APBB2: variants seen among roughly 807,000 people sequenced by gnomAD.
APBB2 encodes the protein amyloid beta precursor protein binding family B member 2.
In APBB2, 38 loss-of-function variants were observed where a neutral mutation model predicts 82.5. The observed-to-expected ratio is 0.46, with a 90% CI of 0.36 to 0.60. The LOEUF is 0.60. APBB2 is among the 20% of genes least tolerant of loss of function. The pLI is 0.00. For missense variants in APBB2, 772 were observed against 972.3 expected, an observed-to-expected ratio of 0.79 and a Z score of 2.74; for synonymous variants, 341 against 368.2, an observed-to-expected ratio of 0.93 and a Z score of 0.85.
At chr4:40,867,806 A>G (rs111404550) in intron 12 of APBB2, among the ~76,000 whole-genome samples, 3,212 of 151,366 alleles carry the variant, frequency 0.021, 50 homozygotes, top group Middle Eastern at 0.045. Flanking sequence ...TATATTGATC[A>G]ATTATCAGGG....
chr4:41,083,686 C>CAAAAA lies in APBB2; in HGVS notation c.-149+16948_-149+16952dup, dbSNP rs3058169. Among the ~76,000 whole-genome samples the CAAAAA allele has an allele frequency of 1.9e-4, 13 of 68,066 alleles. 1 individual carries two copies. Among genetic ancestry groups the CAAAAA allele is most frequent in the African/African-American group, 4.0e-4 (7 of 17,480 alleles). 44.7% of individuals were successfully genotyped at this position (68,066 alleles called of 152,430 possible). A position where few individuals can be genotyped will look rare whatever the true frequency, so the allele number is the denominator to read the frequency against. ...CTGGAGACAGATTGAGACTCTGTCTCAAAAAAAAAAAAAAAAAAAAAAAAA... is the reference window on the plus strand; with the variant it reads ...CTGGAGACAGATTGAGACTCTGTCTCAAAAAAAAAAAAAAAAAAAAAAAAAAAAAA... On this transcript the variant is annotated intron_variant, in intron 3 of 17. Coordinates refer to ENST00000508593, the MANE Select transcript of APBB2 (RefSeq NM_004307.2).
chr4:41,085,112 G>A (rs149013281), intron 3 of APBB2, among the ~76,000 whole-genome samples: 3 of 152,002 alleles, frequency 2.0e-5, no homozygotes, highest in East Asian at 1.9e-4. Flanking sequence ...TTAGCTGGGC[G>A]TGGTGATGCG....
chr4:40,932,993 A>ACT (rs1784584516), intron 10 of APBB2, among the ~76,000 whole-genome samples: 1 of 152,196 alleles, frequency 6.6e-6, no homozygotes, highest in East Asian at 1.9e-4. Context: ...CCTGCTGAGT[A>ACT]GCTGGGATTA....
Position 40,824,139 on chromosome 4 carries a change from G to A in APBB2, c.1817-380C>T, listed in dbSNP as rs554999542. On this transcript the variant is annotated intron_variant, in intron 15 of 17. Transcript: ENST00000508593. ...TGCACTCCAGCCTGGGCAAGTATCAGTGAGACTCTGTCTCAAAAAACAAAA... is the reference window on the plus strand; with the variant it reads ...TGCACTCCAGCCTGGGCAAGTATCAATGAGACTCTGTCTCAAAAAACAAAA... Among the ~76,000 whole-genome samples, 3 of 152,256 alleles carry A rather than the reference G, an allele frequency of 2.0e-5. No individual in the cohort carries two copies. In the East Asian group the frequency reaches 5.8e-4, roughly 29 times the overall value.
intron 5 of APBB2, among the ~76,000 whole-genome samples, chr4:41,024,246 G>C (rs892200336): frequency 8.5e-5 from 13 of 152,188 alleles, no homozygotes; most frequent in African/African-American, 2.7e-4. Flanking sequence ...GACAGCCTAA[G>C]CAATACCATC....
At chr4:40,961,983 T>A (rs541851659) in intron 6 of APBB2, among the ~76,000 whole-genome samples, 1 of 152,330 alleles carries the variant, frequency 6.6e-6, no homozygotes, top group Non-Finnish European at 1.5e-5. Flanking sequence ...CAATTTTTGA[T>A]CTATGCCATT....
chr4:41,050,485 T>C (rs1208565323), intron 4 of APBB2, among the ~76,000 whole-genome samples: 1 of 152,200 alleles, frequency 6.6e-6, no homozygotes, highest in Non-Finnish European at 1.5e-5. Context: ...CAGAGGGTTT[T>C]AAGGGGTTGG....
Position 40,890,699 on chromosome 4 carries a change from G to A in APBB2, c.1402-208C>T, listed in dbSNP as rs932107218. 5 of 514,536 alleles carry A rather than the reference G, an allele frequency of 9.7e-6. No individual in the cohort carries two copies. In the East Asian group the frequency reaches 1.0e-4, roughly 11 times the overall value. The allele number at this position is 514,536 out of a possible 1,614,324, so 31.9% of individuals were successfully genotyped here. ...ACACCCAATTTCTCTCTCCCTCTCC[G>A]AGTCCTCTGAAATGTGTCCCCATCC... On this transcript the variant is annotated intron_variant, in intron 11 of 17. Transcript: ENST00000508593.
chr4:41,027,127 G>C (rs1714593456), intron 5 of APBB2, among the ~76,000 whole-genome samples: 1 of 151,954 alleles, frequency 6.6e-6, no homozygotes. Flanking sequence ...ATTTCAGACT[G>C]AGCTCCTATC....
At chr4:40,846,326 C>CA (rs3086182) in intron 12 of APBB2, among the ~76,000 whole-genome samples, 33,034 of 62,326 alleles carry the variant, frequency 0.53, 7,259 homozygotes, top group African/African-American at 0.54. Flanking sequence ...GAAAACACTC[C>CA]AAAAAAAAAA....
At chr4:40,914,884 T>C (rs1779468516) in intron 10 of APBB2, among the ~76,000 whole-genome samples, 1 of 152,294 alleles carries the variant, frequency 6.6e-6, no homozygotes, top group South Asian at 2.1e-4. Context: ...TGTAGTGAGT[T>C]GCAGGCACTA....
intron 3 of APBB2, among the ~76,000 whole-genome samples, chr4:41,079,132 A>C (rs1452891026): frequency 6.6e-6 from 1 of 152,222 alleles, no homozygotes; most frequent in African/African-American, 2.4e-5. Context: ...CAGCACGAAC[A>C]CTAATGTCCA....
rs773305996 is a variant in APBB2, at chr4:41,027,328, C to CATAAAAATAT, written c.19+5907_19+5908insATATTTTTAT. 3.1e-3 allele frequency among the ~76,000 whole-genome samples: 468 copies of CATAAAAATAT among 148,740 alleles called. 2 individuals are homozygous for CATAAAAATAT. Among genetic ancestry groups the CATAAAAATAT allele is most frequent in the Non-Finnish European group, 4.8e-3 (323 of 67,434 alleles). On this transcript the variant is annotated intron_variant, in intron 5 of 17. Transcript: ENST00000508593. The stretch of plus-strand genomic sequence containing the variant: ...GTACAGTAACTTTTTTGTACATACA[C>CATAAAAATAT]ACACACATTTTTATATTTTTATAAA...
At position 40,934,601 on chromosome 4, in the gene APBB2, A is replaced by C. The variant is rs896549971; in HGVS notation, c.1193+13T>G. On this transcript the variant is annotated intron_variant, in intron 9 of 17. Transcript: ENST00000508593. Reference sequence around the variant, plus strand: ...CATACATTGACAGCAGGTCGATCCTACTAATGTCCTACCTGAGTTTCAAAG... The same window carrying C: ...CATACATTGACAGCAGGTCGATCCTCCTAATGTCCTACCTGAGTTTCAAAG... The C allele has an allele frequency of 1.2e-6, 2 of 1,611,786 alleles. No individual in the cohort carries two copies. The highest frequency in any genetic ancestry group is 1.7e-6 in the Non-Finnish European group (2 of 1,177,864).
chr4:40,887,577 TA>T (rs969776899), intron 12 of APBB2, among the ~76,000 whole-genome samples: 12 of 151,912 alleles, frequency 7.9e-5, no homozygotes, highest in Non-Finnish European at 1.6e-4. Context: ...CAAAGGAAAG[TA>T]AAAAAAGCAG....
intron 3 of APBB2, among the ~76,000 whole-genome samples, chr4:41,094,873 C>T (rs1560736754): frequency 6.6e-6 from 1 of 152,084 alleles, no homozygotes; most frequent in Non-Finnish European, 1.5e-5. Context: ...CCTCTGTCAA[C>T]CACATTTTAT....
chr4:41,004,799 T>G (rs1229323197), intron 6 of APBB2, among the ~76,000 whole-genome samples: 1 of 117,550 alleles, frequency 8.5e-6, no homozygotes, highest in Non-Finnish European at 1.6e-5. Flanking sequence ...ATCGTGCCAC[T>G]GCACTCCAGC....
intron 3 of APBB2, among the ~76,000 whole-genome samples, chr4:41,088,033 T>C (rs1376990545): frequency 6.6e-6 from 1 of 152,174 alleles, no homozygotes; most frequent in Non-Finnish European, 1.5e-5. Context: ...TCAAAACTTG[T>C]ATGAGGTACT....
At chr4:40,951,389 T>C (rs886157835) in intron 6 of APBB2, among the ~76,000 whole-genome samples, 1 of 152,238 alleles carries the variant, frequency 6.6e-6, no homozygotes, top group African/African-American at 2.4e-5. Context: ...AGTCGAGGTA[T>C]TTTTCAGTAC....
Sources: allele counts gnomAD v4.1 joint callset (sites outside exome capture counted in the v4.1 genomes callset), GRCh38; gene constraint gnomAD v4.1.1; transcripts MANE v1.5; gene names NCBI Gene and HGNC (gene_info 2026-07-23, HGNC 2026-07-21).